NCKAP5: variants seen among roughly 807,000 people sequenced by gnomAD.
NCKAP5 encodes the protein NCK associated protein 5.
Under a neutral mutation model 167.0 loss-of-function variants are expected in NCKAP5, and 92 were observed. The observed-to-expected ratio is 0.55, with a 90% confidence interval of 0.47 to 0.66. The LOEUF (loss-of-function observed/expected upper bound fraction) is 0.66, where lower values mean the gene tolerates loss of function less well. Ranked by LOEUF, NCKAP5 falls within the 30% of genes least tolerant of loss-of-function variation. The probability of loss-of-function intolerance (pLI) is 0.00; values close to 1 mark genes in which losing one functional copy is unlikely to be tolerated. For synonymous variants in NCKAP5, 891 were observed against 877.4 expected (o/e 1.02, Z -0.27); for missense variants, 2,378 against 2,315.0 (o/e 1.03, Z -0.56).
At position 132,892,502 on chromosome 2, in the gene NCKAP5, G is replaced by A. The variant is rs192874363; in HGVS notation, c.580-13586C>T. On this transcript the variant is annotated intron_variant, in intron 8 of 19. Coordinates refer to ENST00000409261, the MANE Select transcript of NCKAP5 (RefSeq NM_207363.3). ...TAGGGTGGACTAGAGTGGATTTTTC[G>A]GTTTTAGAAGCCTCACAGAGAAATT... Among the ~76,000 whole-genome samples, 7 of 152,124 alleles carry A rather than the reference G, an allele frequency of 4.6e-5. No individual in the cohort carries two copies. The East Asian group carries it at 9.7e-4, about 21-fold the overall frequency.
chr2:132,709,515 TA>T (rs1358511958), intron 19 of NCKAP5, among the ~76,000 whole-genome samples: 1 of 151,882 alleles, frequency 6.6e-6, no homozygotes, highest in Non-Finnish European at 1.5e-5. Context: ...TAACTACAGA[TA>T]CAATAGAGAC....
At chr2:133,337,579 TG>T (rs1683296679) in intron 3 of NCKAP5, among the ~76,000 whole-genome samples, 1 of 152,198 alleles carries the variant, frequency 6.6e-6, no homozygotes, top group South Asian at 2.1e-4. Flanking sequence ...TAATCCAATA[TG>T]ACTGGTATCC....
At chr2:132,780,163 T>C (rs1682899133) in intron 15 of NCKAP5, among the ~76,000 whole-genome samples, 2 of 152,330 alleles carry the variant, frequency 1.3e-5, no homozygotes, top group South Asian at 2.1e-4. Flanking sequence ...TTTTTATTTA[T>C]TTTTTTGAGA....
At chr2:132,795,933 G>T in intron 12 of NCKAP5, among the ~76,000 whole-genome samples, 1 of 147,708 alleles carries the variant, frequency 6.8e-6, no homozygotes, top group Non-Finnish European at 1.5e-5. Flanking sequence ...CTGACTTTAC[G>T]GCTATATTAT....
the NCKAP5 span, among the ~76,000 whole-genome samples, chr2:133,614,975 A>G: frequency 1.3e-5 from 2 of 152,190 alleles, no homozygotes; most frequent in Admixed American, 6.5e-5. Flanking sequence ...ACAAGCCAGA[A>G]GAGAGTGGGG....
chr2:133,618,357 G>T, the NCKAP5 span, among the ~76,000 whole-genome samples: 2 of 151,164 alleles, frequency 1.3e-5, no homozygotes, highest in Non-Finnish European at 3.0e-5. Context: ...TACCATCAGA[G>T]TGAACAGGCA....
At chr2:133,375,799 A>G (rs1227504364) in intron 3 of NCKAP5, among the ~76,000 whole-genome samples, 1 of 152,236 alleles carries the variant, frequency 6.6e-6, no homozygotes, top group Non-Finnish European at 1.5e-5. Context: ...GCTGCATAGT[A>G]TTCCACGGTA....
intron 8 of NCKAP5, chr2:132,915,754 T>C (rs1380602755): frequency 6.6e-6 from 1 of 152,060 alleles, no homozygotes; most frequent in African/African-American, 2.4e-5. Flanking sequence ...GGGAAGTTTC[T>C]TGTGGGGAAG....
chr2:133,071,307 T>A (rs951545225), intron 6 of NCKAP5, among the ~76,000 whole-genome samples: 13 of 151,698 alleles, frequency 8.6e-5, no homozygotes, highest in Admixed American at 8.5e-4. Context: ...TAGCCGGGCG[T>A]AGTGGCGGGC....
chr2:132,826,427 C>A (rs2105344357), intron 11 of NCKAP5, among the ~76,000 whole-genome samples: 1 of 152,244 alleles, frequency 6.6e-6, no homozygotes, highest in Admixed American at 6.5e-5. Context: ...ATATTGTACT[C>A]AGGAAGGGCC....
chr2:133,555,420 G>T (rs1028185439), intron 2 of NCKAP5, among the ~76,000 whole-genome samples: 1 of 152,154 alleles, frequency 6.6e-6, no homozygotes, highest in Non-Finnish European at 1.5e-5. Context: ...TCACTATATT[G>T]CATATACAAG....
chr2:133,497,419 A>G (rs1447328085), intron 3 of NCKAP5, among the ~76,000 whole-genome samples: 1 of 152,200 alleles, frequency 6.6e-6, no homozygotes, highest in Non-Finnish European at 1.5e-5. Context: ...AGAGTTCAGC[A>G]TGCCAAGTTT....
chr2:133,517,218 T>C (rs951030093), intron 3 of NCKAP5, among the ~76,000 whole-genome samples: 2 of 152,218 alleles, frequency 1.3e-5, no homozygotes, highest in Non-Finnish European at 2.9e-5. Context: ...GTAATTAATG[T>C]AATTATATAT....
chr2:133,443,404 A>G (rs1038425042), intron 3 of NCKAP5, among the ~76,000 whole-genome samples: 5 of 152,204 alleles, frequency 3.3e-5, no homozygotes, highest in African/African-American at 1.2e-4. Flanking sequence ...GAAGGACCCC[A>G]AAACCTCCCA....
the NCKAP5 span, among the ~76,000 whole-genome samples, chr2:133,647,422 A>T: frequency 3.8e-4 from 45 of 118,348 alleles, 3 homozygotes; most frequent in African/African-American, 1.8e-3. Flanking sequence ...GAAGGAAGAG[A>T]AAGAAAGGAA....
intron 3 of NCKAP5, among the ~76,000 whole-genome samples, chr2:133,505,400 T>TA (rs761682264): frequency 2.6e-5 from 4 of 151,876 alleles, no homozygotes; most frequent in Admixed American, 6.6e-5. Flanking sequence ...AACCAAACAT[T>TA]AATAAAAATC....
At chr2:133,363,813 G>A (rs990404251) in intron 3 of NCKAP5, among the ~76,000 whole-genome samples, 4 of 151,952 alleles carry the variant, frequency 2.6e-5, no homozygotes, top group African/African-American at 7.3e-5. Flanking sequence ...ATTATACCTC[G>A]CTTATCACTG....
intron 6 of NCKAP5, among the ~76,000 whole-genome samples, chr2:133,074,508 G>C (rs530023979): frequency 6.6e-6 from 1 of 152,132 alleles, no homozygotes; most frequent in South Asian, 2.1e-4. Flanking sequence ...CTACAGATGT[G>C]TGCCAACCCT....
chr2:133,331,931 G>C (rs1241885803), intron 3 of NCKAP5, among the ~76,000 whole-genome samples: 1 of 152,210 alleles, frequency 6.6e-6, no homozygotes. Flanking sequence ...TTTCCAGCTG[G>C]TGGGAGTAGA....
Sources: gnomAD v4.1 joint callset for allele counts (sites outside exome capture counted in the v4.1 genomes callset) on GRCh38, gnomAD v4.1.1 for gene constraint, MANE v1.5 for transcripts, NCBI Gene and HGNC (gene_info 2026-07-23, HGNC 2026-07-21) for gene names.